REDIC1: variants seen among roughly 807,000 people sequenced by gnomAD.
REDIC1 encodes the protein regulator of DNA class I crossover intermediates 1, also known as HEI10 Interacting Protein 1.
At chr12:39,665,422 A>G in the REDIC1 span, among the ~76,000 whole-genome samples, 4 of 151,602 alleles carry the variant, frequency 2.6e-5, no homozygotes, top group African/African-American at 9.7e-5. Context: ...GTTCTGTTCC[A>G]TTGTTCTATA....
the REDIC1 span, among the ~76,000 whole-genome samples, chr12:39,748,201 T>C: frequency 0.013 from 2,040 of 152,100 alleles, 42 homozygotes; most frequent in African/African-American, 0.045. Context: ...GAGACACACA[T>C]AGGCTCAAAA....
At chr12:39,757,182 G>A in the REDIC1 span, 1 of 150,856 alleles carries the variant, frequency 6.6e-6, no homozygotes, top group African/African-American at 2.4e-5. Flanking sequence ...AGCCTCAATA[G>A]GGATTTGGAC....
At chr12:39,643,977 T>A in the REDIC1 span, 2 of 1,261,758 alleles carry the variant, frequency 1.6e-6, no homozygotes, top group East Asian at 5.4e-5. Context: ...ATGTTTAGTC[T>A]TCTAATTAGT....
the REDIC1 span, among the ~76,000 whole-genome samples, chr12:39,731,461 C>T: frequency 6.6e-6 from 1 of 152,174 alleles, no homozygotes; most frequent in South Asian, 2.1e-4. Context: ...CCCTGTTTGC[C>T]TAAGTATTAC....
At chr12:39,783,535 G>T in the REDIC1 span, among the ~76,000 whole-genome samples, 33 of 152,284 alleles carry the variant, frequency 2.2e-4, 1 homozygote, top group East Asian at 3.5e-3. Context: ...AGCACCTGTT[G>T]TTTCCTGACT....
the REDIC1 span, among the ~76,000 whole-genome samples, chr12:39,674,662 T>A: frequency 2.6e-5 from 4 of 152,080 alleles, no homozygotes; most frequent in Non-Finnish European, 4.4e-5. Flanking sequence ...TAACCATCCC[T>A]AGAGCTGAAA....
At chr12:39,872,043 A>G in the REDIC1 span, 1 of 1,238,432 alleles carries the variant, frequency 8.1e-7, no homozygotes, top group Non-Finnish European at 1.1e-6. Context: ...GATGTATTCA[A>G]TTTGAAAAAA....
chr12:39,760,214 G>T, the REDIC1 span: 20 of 1,612,640 alleles, frequency 1.2e-5, no homozygotes, highest in Non-Finnish European at 1.6e-5. Context: ...ATGAAAAGGA[G>T]TCCCACAGCA....
At chr12:39,707,261 C>T in the REDIC1 span, among the ~76,000 whole-genome samples, 5 of 151,836 alleles carry the variant, frequency 3.3e-5, no homozygotes, top group Admixed American at 2.6e-4. Context: ...TGAAAGGATG[C>T]TCAACATCAC....
the REDIC1 span, among the ~76,000 whole-genome samples, chr12:39,895,397 G>A: frequency 2.0e-5 from 3 of 149,632 alleles, no homozygotes; most frequent in Non-Finnish European, 4.4e-5. Context: ...GGCTGAGGCA[G>A]GAGAATGGCC....
chr12:39,869,337 C>G, the REDIC1 span, among the ~76,000 whole-genome samples: 1 of 152,160 alleles, frequency 6.6e-6, no homozygotes, highest in African/African-American at 2.4e-5. Context: ...ATCACTGAAA[C>G]AGCAGAACCA....
the REDIC1 span, among the ~76,000 whole-genome samples, chr12:39,662,984 A>G: frequency 1.3e-5 from 2 of 151,932 alleles, no homozygotes; most frequent in Non-Finnish European, 2.9e-5. Flanking sequence ...CCACTTGATG[A>G]TCATGTATTA....
chr12:39,832,060 A>G, the REDIC1 span, among the ~76,000 whole-genome samples: 1 of 152,110 alleles, frequency 6.6e-6, no homozygotes, highest in Non-Finnish European at 1.5e-5. Flanking sequence ...CTATTTTTGA[A>G]TGACACTTCA....
At chr12:39,830,398 G>A in the REDIC1 span, 1 of 1,355,740 alleles carries the variant, frequency 7.4e-7, no homozygotes, top group South Asian at 1.9e-5. Context: ...GTGAGAGCTG[G>A]CTGGTCTCTT....
At chr12:39,691,050 C>T in the REDIC1 span, among the ~76,000 whole-genome samples, 2 of 152,100 alleles carry the variant, frequency 1.3e-5, no homozygotes, top group Non-Finnish European at 2.9e-5. Context: ...GGAAGGGGCT[C>T]TGCTCCATGT....
At chr12:39,854,823 T>A in the REDIC1 span, among the ~76,000 whole-genome samples, 1 of 152,148 alleles carries the variant, frequency 6.6e-6, no homozygotes, top group Non-Finnish European at 1.5e-5. Context: ...GAAGGGCAAA[T>A]CTGTTTTCCG....
the REDIC1 span, among the ~76,000 whole-genome samples, chr12:39,781,121 T>C: frequency 6.6e-6 from 1 of 152,250 alleles, no homozygotes; most frequent in Admixed American, 6.5e-5. Flanking sequence ...CTGATTTGTA[T>C]AGAAAGTTCT....
the REDIC1 span, among the ~76,000 whole-genome samples, chr12:39,712,006 A>G: frequency 6.9e-6 from 1 of 145,444 alleles, no homozygotes; most frequent in African/African-American, 2.5e-5. Flanking sequence ...GTCTGTATAT[A>G]TACCTACCTG....
chr12:39,798,276 C>T, the REDIC1 span, among the ~76,000 whole-genome samples: 1 of 152,304 alleles, frequency 6.6e-6, no homozygotes, highest in Admixed American at 6.5e-5. Context: ...GAGATACCAC[C>T]ACAGAGCCTC....
Sources: gnomAD v4.1 joint callset for allele counts (sites outside exome capture counted in the v4.1 genomes callset) on GRCh38, gnomAD v4.1.1 for gene constraint, MANE v1.5 for transcripts, NCBI Gene and HGNC (gene_info 2026-07-23, HGNC 2026-07-21) for gene names.